IL1RAPL2: variants seen among roughly 807,000 people sequenced by gnomAD.
IL1RAPL2 encodes interleukin 1 receptor accessory protein like 2.
In IL1RAPL2, 3 loss-of-function variants were observed where a neutral mutation model predicts 44.1. The ratio of observed to expected loss-of-function variants is 0.07; its 90% CI spans 0.03 to 0.18. The LOEUF is 0.18. Ranked by LOEUF, IL1RAPL2 falls within the 10% of genes least tolerant of loss-of-function variation. The probability of loss-of-function intolerance (pLI) is 1.00; values close to 1 mark genes in which losing one functional copy is unlikely to be tolerated. For synonymous variants in IL1RAPL2, 181 were observed against 178.8 expected (o/e 1.01, Z -0.10); for missense variants, 391 against 496.4 (o/e 0.79, Z 2.02).
At chrX:105,384,872 A>T (rs769458972) in intron 5 of IL1RAPL2, among the ~76,000 whole-genome samples, 2 of 111,350 alleles carry the variant, frequency 1.8e-5, no homozygotes, top group Non-Finnish European at 1.9e-5. Context: ...GCTATTGTAA[A>T]TAGGATTGCT....
chrX:104,820,440 T>C (rs749068544), intron 2 of IL1RAPL2, among the ~76,000 whole-genome samples: 1 of 111,566 alleles, frequency 9.0e-6, no homozygotes, highest in East Asian at 2.8e-4. Context: ...GCTTGCTTGA[T>C]TTAATTTATT....
intron 2 of IL1RAPL2, among the ~76,000 whole-genome samples, chrX:104,660,081 A>G (rs765380926): frequency 8.9e-6 from 1 of 111,820 alleles, no homozygotes; most frequent in South Asian, 3.7e-4. Flanking sequence ...AAGATAGGGC[A>G]ATATATTGTC....
chrX:105,435,197 C>T (rs191441692), intron 5 of IL1RAPL2, among the ~76,000 whole-genome samples: 40 of 111,755 alleles, frequency 3.6e-4, no homozygotes, highest in African/African-American at 1.2e-3. Context: ...TATGTGGACA[C>T]TTTTATGGTT....
intron 6 of IL1RAPL2, among the ~76,000 whole-genome samples, chrX:105,513,945 T>G (rs766176074): frequency 9.0e-6 from 1 of 111,448 alleles, no homozygotes; most frequent in African/African-American, 3.3e-5. Context: ...TTGATTTTCG[T>G]ACAAGGTGTA....
chrX:105,020,122 T>C (rs1253014345), intron 2 of IL1RAPL2, among the ~76,000 whole-genome samples: 1 of 110,492 alleles, frequency 9.1e-6, no homozygotes, highest in African/African-American at 3.3e-5. Flanking sequence ...TGCAGGTGTG[T>C]GCCACTACAG....
chrX:105,277,159 C>G (rs1274770871), intron 5 of IL1RAPL2, among the ~76,000 whole-genome samples: 3 of 112,099 alleles, frequency 2.7e-5, no homozygotes, highest in South Asian at 3.7e-4. Flanking sequence ...CATATGTTCT[C>G]TCTCCTCCAT....
chrX:105,205,230 G>A (rs2033750687), intron 3 of IL1RAPL2, among the ~76,000 whole-genome samples: 1 of 110,275 alleles, frequency 9.1e-6, no homozygotes, highest in Non-Finnish European at 1.9e-5. Context: ...TTGGGGCAGA[G>A]TATTCCAGTC....
intron 2 of IL1RAPL2, among the ~76,000 whole-genome samples, chrX:104,887,798 T>C (rs1208457676): frequency 9.0e-6 from 1 of 111,392 alleles, no homozygotes; most frequent in Non-Finnish European, 1.9e-5. Flanking sequence ...TATATACCGA[T>C]GGAAGTTCAT....
At chrX:105,317,972 C>CTTT (rs751954823) in intron 5 of IL1RAPL2, among the ~76,000 whole-genome samples, 2 of 101,783 alleles carry the variant, frequency 2.0e-5, no homozygotes, top group East Asian at 6.2e-4. Context: ...TTTCTTTCTT[C>CTTT]TTCTTTTTTT....
intron 2 of IL1RAPL2, among the ~76,000 whole-genome samples, chrX:105,143,825 A>G (rs1009655607): frequency 9.1e-6 from 1 of 109,974 alleles, no homozygotes; most frequent in African/African-American, 3.3e-5. Flanking sequence ...AAAATCACAC[A>G]CAGGGGCCTG....
intron 6 of IL1RAPL2, among the ~76,000 whole-genome samples, chrX:105,579,017 C>A (rs1170608326): frequency 1.8e-5 from 2 of 111,583 alleles, no homozygotes; most frequent in Admixed American, 9.5e-5. Flanking sequence ...CTTGGTATTG[C>A]TAGATTCCTG....
chrX:105,406,007 C>T lies in IL1RAPL2; in HGVS notation c.698-78306C>T, dbSNP rs1481158938. On this transcript the variant is annotated intron_variant, in intron 5 of 10. Transcript: ENST00000372582. ...AGCCTCCTGAGGGATTGTTAGGATT[C>T]CACACAGACTGGCTGACATTAAATG... is the stretch of plus-strand genomic sequence containing the variant. 17 of 1,205,122 alleles carry T rather than the reference C, an allele frequency of 1.4e-5. No homozygotes were observed. In the Admixed American group the frequency reaches 3.7e-4, roughly 26 times the overall value.
chrX:104,579,837 G>T (rs968584191), intron 1 of IL1RAPL2, among the ~76,000 whole-genome samples: 3 of 111,347 alleles, frequency 2.7e-5, no homozygotes, highest in Non-Finnish European at 3.8e-5. Context: ...AGTTTTGAAG[G>T]GGGGAGCCAA....
chrX:105,328,558 G>A (rs952448055), intron 5 of IL1RAPL2, among the ~76,000 whole-genome samples: 4 of 111,312 alleles, frequency 3.6e-5, no homozygotes, highest in African/African-American at 1.3e-4. Flanking sequence ...ATGCCTTCTT[G>A]GTTTCTATCT....
chrX:105,345,412 T>C (rs916712300), intron 5 of IL1RAPL2, among the ~76,000 whole-genome samples: 62 of 112,000 alleles, frequency 5.5e-4, no homozygotes, highest in African/African-American at 2.0e-3. Flanking sequence ...GTGTAACTTA[T>C]AATGTATTTC....
intron 2 of IL1RAPL2, among the ~76,000 whole-genome samples, chrX:105,064,744 T>A (rs1021261027): frequency 8.0e-5 from 9 of 112,113 alleles, no homozygotes; most frequent in African/African-American, 2.9e-4. Context: ...AACGTCTTCA[T>A]CCTTGTCTTC....
rs1478753388 is a variant in IL1RAPL2 at position 105,247,601 on chromosome X, ATATG to A, written c.543+13599_543+13602del. Among the ~76,000 whole-genome samples, 38 of 93,589 alleles carry A rather than the reference ATATG, an allele frequency of 4.1e-4. No homozygotes were observed. In the East Asian group the frequency reaches 8.0e-3, roughly 20 times the overall value. The allele number at this position is 93,589 out of a possible 115,157, so 81.3% of individuals were successfully genotyped here. ...AATAGAAGTGTGTGTGTATATATAT[ATATG>A]TGTGTGTGTGTGTGTGTGTGTGTGT... On this transcript the variant is annotated intron_variant, in intron 4 of 10. Coordinates refer to ENST00000372582, the MANE Select transcript of IL1RAPL2 (RefSeq NM_017416.2).
intron 2 of IL1RAPL2, among the ~76,000 whole-genome samples, chrX:105,048,494 C>A (rs2031872320): frequency 9.0e-6 from 1 of 110,810 alleles, no homozygotes; most frequent in African/African-American, 3.3e-5. Context: ...TAAAAATAAC[C>A]ATTTTACCAA....
intron 2 of IL1RAPL2, among the ~76,000 whole-genome samples, chrX:104,966,148 A>C (rs1234991565): frequency 2.7e-5 from 3 of 111,175 alleles, no homozygotes; most frequent in Non-Finnish European, 5.7e-5. Flanking sequence ...AATTTAAATA[A>C]ATAGCAACTC....
Sources: allele counts gnomAD v4.1 joint callset (sites outside exome capture counted in the v4.1 genomes callset), GRCh38; gene constraint gnomAD v4.1.1; transcripts MANE v1.5; gene names NCBI Gene and HGNC (gene_info 2026-07-23, HGNC 2026-07-21).